Variants in CSTPP1 observed in about 807,000 individuals in gnomAD.
The protein encoded by CSTPP1 is UPF0705 protein C11orf49.
At chr11:46,947,977 A>G in the CSTPP1 span, 59 of 444,806 alleles carry the variant, frequency 1.3e-4, no homozygotes, top group South Asian at 8.5e-4. Context: ...TCCTGTGGCC[A>G]ACTTACAAAG....
the CSTPP1 span, among the ~76,000 whole-genome samples, chr11:47,025,659 C>T: frequency 6.6e-6 from 1 of 151,612 alleles, no homozygotes; most frequent in South Asian, 2.1e-4. Flanking sequence ...CTAAGGGGGC[C>T]CATAAAAATA....
the CSTPP1 span, among the ~76,000 whole-genome samples, chr11:47,077,301 G>C: frequency 6.6e-5 from 10 of 150,990 alleles, no homozygotes; most frequent in Non-Finnish European, 1.5e-4. Context: ...CTGGGTTCAA[G>C]CGATTCTCCT....
chr11:47,068,948 AAT>A, the CSTPP1 span, among the ~76,000 whole-genome samples: 5 of 151,388 alleles, frequency 3.3e-5, no homozygotes, highest in Admixed American at 6.6e-5. Context: ...TACAGTTGCA[AAT>A]ATATATATAT....
the CSTPP1 span, chr11:47,162,343 G>A: frequency 1.3e-6 from 1 of 770,326 alleles, no homozygotes; most frequent in South Asian, 5.9e-5. Context: ...TAGGCCAGTG[G>A]CCCACTCAGA....
chr11:47,163,961 A>C, the CSTPP1 span: 1 of 1,072,036 alleles, frequency 9.3e-7, no homozygotes, highest in Non-Finnish European at 1.3e-6. Flanking sequence ...TATTTCTTAA[A>C]CTCCACTGAA....
chr11:47,100,321 C>G, the CSTPP1 span, among the ~76,000 whole-genome samples: 3 of 152,098 alleles, frequency 2.0e-5, no homozygotes, highest in Non-Finnish European at 2.9e-5. Context: ...CTTTTATATT[C>G]CCCTTAATAT....
the CSTPP1 span, among the ~76,000 whole-genome samples, chr11:47,115,124 G>T: frequency 6.6e-6 from 1 of 152,272 alleles, no homozygotes; most frequent in East Asian, 1.9e-4. Context: ...TTATATGATG[G>T]ATTACATTTA....
the CSTPP1 span, chr11:46,948,259 A>G: frequency 1.9e-4 from 80 of 421,274 alleles, 1 homozygote; most frequent in South Asian, 1.3e-3. Flanking sequence ...GTTCTTTCCA[A>G]CTTTGCCTCT....
chr11:46,981,771 A>G, the CSTPP1 span, among the ~76,000 whole-genome samples: 2 of 152,002 alleles, frequency 1.3e-5, no homozygotes, highest in East Asian at 3.9e-4. Flanking sequence ...AAAAATTGCT[A>G]TTACCTACTT....
the CSTPP1 span, among the ~76,000 whole-genome samples, chr11:47,051,737 G>A: frequency 6.7e-6 from 1 of 149,614 alleles, no homozygotes; most frequent in South Asian, 2.1e-4. Flanking sequence ...TGTTGATCAG[G>A]CTGGAGTGCA....
At chr11:46,973,780 A>ATGTGTGTGTGTGTGTGTGTGTG in the CSTPP1 span, among the ~76,000 whole-genome samples, 16 of 150,588 alleles carry the variant, frequency 1.1e-4, no homozygotes, top group African/African-American at 3.7e-4. Context: ...TGGAGGGTGT[A>ATGTGTGTGTGTGTGTGTGTGTG]TGTGTGTGTG....
the CSTPP1 span, among the ~76,000 whole-genome samples, chr11:47,074,701 A>C: frequency 1.3e-5 from 2 of 152,220 alleles, no homozygotes; most frequent in Admixed American, 6.5e-5. Flanking sequence ...TGTAAGTGAT[A>C]ATTACAATGT....
chr11:47,107,637 G>T, the CSTPP1 span, among the ~76,000 whole-genome samples: 1 of 152,074 alleles, frequency 6.6e-6, no homozygotes, highest in East Asian at 1.9e-4. Context: ...TTGTCCAGGA[G>T]AGAAGGAGAC....
the CSTPP1 span, among the ~76,000 whole-genome samples, chr11:47,036,541 G>C: frequency 1.6e-5 from 2 of 123,312 alleles, no homozygotes; most frequent in Non-Finnish European, 3.8e-5. Flanking sequence ...AAGTAAATAT[G>C]TTATAGATAA....
chr11:47,003,881 G>A, the CSTPP1 span, among the ~76,000 whole-genome samples: 1 of 152,148 alleles, frequency 6.6e-6, no homozygotes, highest in African/African-American at 2.4e-5. Flanking sequence ...TCATTGTATT[G>A]TAATTTTCTA....
At chr11:46,938,780 C>CTTTTTTTT in the CSTPP1 span, among the ~76,000 whole-genome samples, 1 of 123,644 alleles carries the variant, frequency 8.1e-6, no homozygotes, top group African/African-American at 3.0e-5. Flanking sequence ...TTTTCTTCTT[C>CTTTTTTTT]TTTTTTTTTT....
the CSTPP1 span, among the ~76,000 whole-genome samples, chr11:47,151,157 T>C: frequency 6.6e-6 from 1 of 152,168 alleles, no homozygotes; most frequent in African/African-American, 2.4e-5. Flanking sequence ...CTCACGCCTG[T>C]AATCCCAACA....
At chr11:47,030,721 A>G in the CSTPP1 span, among the ~76,000 whole-genome samples, 1 of 152,042 alleles carries the variant, frequency 6.6e-6, no homozygotes, top group Admixed American at 6.6e-5. Flanking sequence ...CCCTCTATGC[A>G]TCCGTGTGTT....
chr11:47,119,879 G>T, the CSTPP1 span, among the ~76,000 whole-genome samples: 1 of 152,080 alleles, frequency 6.6e-6, no homozygotes, highest in Admixed American at 6.6e-5. Flanking sequence ...CCAAAGTGCT[G>T]GGATTACAGG....
Sources: gnomAD v4.1 joint callset for allele counts (sites outside exome capture counted in the v4.1 genomes callset) on GRCh38, gnomAD v4.1.1 for gene constraint, MANE v1.5 for transcripts, NCBI Gene and HGNC (gene_info 2026-07-23, HGNC 2026-07-21) for gene names.